ZFHX3: variants seen among roughly 807,000 people sequenced by gnomAD.
The protein encoded by ZFHX3 is zinc finger homeobox 3, also known as zinc finger homeobox protein 3.
A neutral mutation model predicts 279.1 loss-of-function variants in ZFHX3; 42 were observed. That is an observed-to-expected ratio of 0.15 (90% CI 0.12 to 0.19). ZFHX3 has a LOEUF of 0.19. Ranked by LOEUF, ZFHX3 falls within the 10% of genes least tolerant of loss-of-function variation. The pLI is 1.00. For missense variants in ZFHX3, 4,981 were observed against 4,754.0 expected, an observed-to-expected ratio of 1.05 and a Z score of -1.40; for synonymous variants, 2,293 against 1,957.8, an observed-to-expected ratio of 1.17 and a Z score of -4.52.
chr16:73,104,739 T>C (rs1160557522), intron 7 of ZFHX3, among the ~76,000 whole-genome samples: 1 of 152,202 alleles, frequency 6.6e-6, no homozygotes, highest in Non-Finnish European at 1.5e-5. Flanking sequence ...CCTGATCCTG[T>C]ATCCTCTTCA....
intron 2 of ZFHX3, among the ~76,000 whole-genome samples, chr16:73,480,983 C>T (rs904550969): frequency 3.3e-5 from 5 of 152,250 alleles, no homozygotes; most frequent in Admixed American, 6.5e-5. Context: ...GTCAAGGACT[C>T]GGTCTCGGCA....
At chr16:73,748,727 T>G (rs921656607) in intron 1 of ZFHX3, among the ~76,000 whole-genome samples, 1 of 152,224 alleles carries the variant, frequency 6.6e-6, no homozygotes. Flanking sequence ...ATAGAAAAAA[T>G]GGAAGTGTCT....
At chr16:73,457,641 C>T (rs577175961) in intron 2 of ZFHX3, among the ~76,000 whole-genome samples, 24 of 152,254 alleles carry the variant, frequency 1.6e-4, no homozygotes, top group Middle Eastern at 6.8e-3. Context: ...GGCGTAGTGG[C>T]GCATGCCTGT....
intron 1 of ZFHX3, among the ~76,000 whole-genome samples, chr16:73,008,177 T>C (rs150554573): frequency 7.3e-4 from 111 of 152,358 alleles, no homozygotes; most frequent in African/African-American, 2.5e-3. Flanking sequence ...TTAATTCATT[T>C]ATTTTCATTT....
At chr16:73,113,793 CT>C (rs71391487) in intron 7 of ZFHX3, among the ~76,000 whole-genome samples, 50 of 102,998 alleles carry the variant, frequency 4.9e-4, no homozygotes, top group South Asian at 1.9e-3. Flanking sequence ...TTTTTGGAAA[CT>C]TTTTTTTTTT....
At chr16:73,195,815 T>C (rs1968134689) in intron 5 of ZFHX3, among the ~76,000 whole-genome samples, 1 of 152,034 alleles carries the variant, frequency 6.6e-6, no homozygotes, top group Non-Finnish European at 1.5e-5. Context: ...CAGGAAGTGC[T>C]AGAGAGAGTG....
chr16:73,851,713 T>G (rs755272702), intron 1 of ZFHX3, among the ~76,000 whole-genome samples: 1 of 152,212 alleles, frequency 6.6e-6, no homozygotes, highest in East Asian at 1.9e-4. Flanking sequence ...GAACCAATAC[T>G]ATTGTATCAA....
intron 5 of ZFHX3, among the ~76,000 whole-genome samples, chr16:73,223,668 C>A (rs1409618970): frequency 6.6e-6 from 1 of 152,194 alleles, no homozygotes; most frequent in African/African-American, 2.4e-5. Flanking sequence ...ATTAAACATA[C>A]TCTTCCACAT....
chr16:73,590,330 G>T (rs981967985), intron 2 of ZFHX3, among the ~76,000 whole-genome samples: 6 of 152,168 alleles, frequency 3.9e-5, no homozygotes, highest in African/African-American at 1.4e-4. Context: ...AGGAACCAGG[G>T]CTCATTGGAA....
chr16:73,010,024 G>GAAAAAAAA (rs10709712), intron 1 of ZFHX3, among the ~76,000 whole-genome samples: 12,469 of 83,694 alleles, frequency 0.15, 918 homozygotes, highest in Admixed American at 0.23. Context: ...CCCTCTCAAA[G>GAAAAAAAA]AAAAAAAAAA....
intron 1 of ZFHX3, among the ~76,000 whole-genome samples, chr16:73,692,183 G>T (rs1567553481): frequency 6.6e-6 from 1 of 152,138 alleles, no homozygotes; most frequent in Non-Finnish European, 1.5e-5. Context: ...TTCTGTCCTG[G>T]ACTTAGTGAC....
chr16:73,219,846 G>A lies in ZFHX3; in HGVS notation c.-1104+37201C>T, dbSNP rs1043909238. 1.8e-4 allele frequency among the ~76,000 whole-genome samples: 28 copies of A among 152,312 alleles called. 1 individual carries two copies. In the Middle Eastern group the frequency reaches 0.014, roughly 74 times the overall value. Reference sequence around the variant, plus strand: ...CACGCCTGTAATCCCAGAACTTTGGGAAGCCAAAGTGGGCAGATGACCTGA... The same window carrying A: ...CACGCCTGTAATCCCAGAACTTTGGAAAGCCAAAGTGGGCAGATGACCTGA... On this transcript the variant is annotated intron_variant, in intron 5 of 17. Coordinates refer to the ZFHX3 transcript ENST00000641206.
chr16:73,094,874 T>G (rs542038705), intron 7 of ZFHX3, among the ~76,000 whole-genome samples: 179 of 152,250 alleles, frequency 1.2e-3, no homozygotes, highest in African/African-American at 4.0e-3. Context: ...CATGTCCGGC[T>G]AATTTTTGTA....
At chr16:73,208,750 G>A (rs1398726445) in intron 5 of ZFHX3, among the ~76,000 whole-genome samples, 2 of 152,104 alleles carry the variant, frequency 1.3e-5, no homozygotes, top group African/African-American at 2.4e-5. Flanking sequence ...CTTCCCCCAA[G>A]CCATGTATTA....
Position 73,846,062 on chromosome 16 carries a change from T to C in ZFHX3, c.-1608+45589A>G, listed in dbSNP as rs544170807. Among the ~76,000 whole-genome samples, 14 of 152,312 alleles carry C rather than the reference T, an allele frequency of 9.2e-5. No individual in the cohort carries two copies. The South Asian group carries it at 2.7e-3, about 29-fold the overall frequency. ...AATCTTCTCACATAGGCCTCCCAAG[T>C]GCTGGGATTGCAGGCATGAGCCACT... On this transcript the variant is annotated intron_variant, in intron 1 of 17. Coordinates refer to the ZFHX3 transcript ENST00000641206.
intron 1 of ZFHX3, among the ~76,000 whole-genome samples, chr16:73,712,199 G>C (rs1218017868): frequency 2.0e-5 from 3 of 151,996 alleles, no homozygotes; most frequent in Non-Finnish European, 4.4e-5. Context: ...GGTTGAGCTT[G>C]TGCTCAACAA....
chr16:73,131,311 A>T (rs1446783385), intron 6 of ZFHX3, among the ~76,000 whole-genome samples: 1 of 152,240 alleles, frequency 6.6e-6, no homozygotes, highest in Non-Finnish European at 1.5e-5. Context: ...AATAAACGCA[A>T]TTCATGGTCC....
At chr16:73,343,804 C>T (rs759616183) in intron 3 of ZFHX3, among the ~76,000 whole-genome samples, 1 of 152,176 alleles carries the variant, frequency 6.6e-6, no homozygotes, top group Non-Finnish European at 1.5e-5. Flanking sequence ...CAAAATAAAT[C>T]ATGATGGTAA....
intron 9 of ZFHX3, among the ~76,000 whole-genome samples, chr16:72,791,845 C>A (rs555227424): frequency 6.6e-6 from 1 of 152,222 alleles, no homozygotes; most frequent in South Asian, 2.1e-4. Context: ...AAATGGGGAC[C>A]AGGAATGCAG....
Sources: gnomAD v4.1 joint callset for allele counts (sites outside exome capture counted in the v4.1 genomes callset) on GRCh38, gnomAD v4.1.1 for gene constraint, MANE v1.5 for transcripts, NCBI Gene and HGNC (gene_info 2026-07-23, HGNC 2026-07-21) for gene names.